COG5: variants seen among roughly 807,000 people sequenced by gnomAD.
COG5 encodes the protein component of oligomeric golgi complex 5, also known as conserved oligomeric Golgi complex subunit 5.
A neutral mutation model predicts 110.4 loss-of-function variants in COG5; 86 were observed. The observed-to-expected ratio is 0.78, with a 90% confidence interval of 0.65 to 0.93. COG5 has a LOEUF of 0.93. COG5 is among the 40% of genes least tolerant of loss of function. The probability of loss-of-function intolerance (pLI) is 0.00; values close to 1 mark genes in which losing one functional copy is unlikely to be tolerated. For missense variants in COG5, 1,077 were observed against 987.0 expected, an observed-to-expected ratio of 1.09 and a Z score of -1.22; for synonymous variants, 360 against 334.6, an observed-to-expected ratio of 1.08 and a Z score of -0.83.
At chr7:107,420,916 G>C (rs1199261522) in intron 6 of COG5, among the ~76,000 whole-genome samples, 1 of 152,134 alleles carries the variant, frequency 6.6e-6, no homozygotes. Flanking sequence ...GTTCTTCAAA[G>C]CTTCATGGAA....
intron 5 of COG5, among the ~76,000 whole-genome samples, chr7:107,538,638 A>G (rs1310517561): frequency 6.6e-6 from 1 of 152,196 alleles, no homozygotes; most frequent in Non-Finnish European, 1.5e-5. Flanking sequence ...CATTGTTGGT[A>G]ATAATGGAAA....
chr7:107,208,547 C>CG (rs1352907294), intron 21 of COG5: 2 of 985,210 alleles, frequency 2.0e-6, no homozygotes, highest in African/African-American at 3.5e-5. Context: ...CTTTGGGACT[C>CG]GGGAAAAATA....
At chr7:107,414,004 C>A (rs1371279536) in intron 6 of COG5, among the ~76,000 whole-genome samples, 1 of 151,950 alleles carries the variant, frequency 6.6e-6, no homozygotes, top group Non-Finnish European at 1.5e-5. Flanking sequence ...GTAGATAATC[C>A]CAGGCCTCAA....
chr7:107,242,304 ACC>A (rs1281241025), intron 17 of COG5, among the ~76,000 whole-genome samples: 2 of 152,154 alleles, frequency 1.3e-5, no homozygotes, highest in African/African-American at 2.4e-5. Flanking sequence ...AGCCAGGGGA[ACC>A]CCCACTGCCC....
At chr7:107,563,656 C>A in intron 1 of COG5, 147 bp downstream of exon 1, 1 of 877,252 alleles carries the variant, frequency 1.1e-6, no homozygotes, top group South Asian at 1.4e-5. Context: ...AGAACAGTAC[C>A]CAAGCCAGGG....
chr7:107,546,868 G>A (rs1802494202), intron 5 of COG5, among the ~76,000 whole-genome samples: 1 of 152,024 alleles, frequency 6.6e-6, no homozygotes, highest in Admixed American at 6.6e-5. Flanking sequence ...TGAGTACAGA[G>A]ATTAAATCAG....
intron 6 of COG5, among the ~76,000 whole-genome samples, chr7:107,415,331 A>C (rs1258424609): frequency 6.6e-6 from 1 of 152,184 alleles, no homozygotes; most frequent in Non-Finnish European, 1.5e-5. Flanking sequence ...CAAATACTAA[A>C]ATAATTAGCT....
chr7:107,211,102 G>A lies in COG5; in HGVS notation c.2292C>T (p.Phe764=), dbSNP rs778274147. 6.2e-7 allele frequency: 1 copy of A among 1,614,032 alleles called. No homozygotes were observed. Among genetic ancestry groups the A allele is most frequent in the South Asian group, 1.1e-5 (1 of 91,080 alleles). ...TRAPAELKSP[F]QRAEWSHTRF... Reference sequence around the variant, plus strand: ...CTGGCTTGACTTTATTTATTACCTGGAAAGGAGATTTCAGTTCAGCGGGTG... The same window carrying A: ...CTGGCTTGACTTTATTTATTACCTGAAAAGGAGATTTCAGTTCAGCGGGTG... Residue 764 remains phenylalanine, a synonymous_variant, in exon 20 of 22, where the codon TTC becomes TTT. Transcript: ENST00000297135.
intron 11 of COG5, among the ~76,000 whole-genome samples, chr7:107,310,088 A>G (rs1223315138): frequency 2.6e-5 from 4 of 152,212 alleles, no homozygotes; most frequent in African/African-American, 9.6e-5. Context: ...ATGTAAAGAT[A>G]TTCCTCATTC....
Position 107,541,523 on chromosome 7 carries a change from A to AAAAAATATATAT in COG5, c.417+6587_417+6588insATATATATTTTT, listed in dbSNP as rs60423657. 1.0e-3 allele frequency among the ~76,000 whole-genome samples: 57 copies of AAAAAATATATAT among 56,994 alleles called. 2 individuals carry two copies. Among genetic ancestry groups the AAAAAATATATAT allele is most frequent in the East Asian group, 2.1e-3 (4 of 1,918 alleles). 37.4% of individuals were successfully genotyped at this position (56,994 alleles called of 152,430 possible). ...AAAAAAAAAAAAAAAAAAAAAAAAA[A>AAAAAATATATAT]ATATATATATATATATATATGTATT... On this transcript the variant is annotated intron_variant, in intron 5 of 21. Transcript: ENST00000297135.
intron 14 of COG5, among the ~76,000 whole-genome samples, chr7:107,274,094 A>G (rs1804496723): frequency 6.6e-6 from 1 of 152,198 alleles, no homozygotes; most frequent in Admixed American, 6.5e-5. Context: ...ACACAAACAC[A>G]CCATTAGGAT....
rs202123650 is a variant in COG5, at chr7:107,563,882, G to C, written c.15C>G (p.Gly5=). 201 of 1,613,736 alleles carry C rather than the reference G, an allele frequency of 1.2e-4. No homozygotes were observed. In the East Asian group the frequency reaches 4.1e-3, roughly 33 times the overall value. The stretch of plus-strand genomic sequence containing the variant: ...CGAGGCCAGCTACAGCGACGCTGCC[G>C]CCGCCACCTTCCATGTTGGCAGGTG... MEGG[G]GSVAVAGLGA... Residue 5 remains glycine (G), a synonymous_variant, in exon 1 of 22, where the codon GGC becomes GGG. Coordinates refer to ENST00000297135, the MANE Select transcript of COG5 (RefSeq NM_006348.5).
chr7:107,525,254 G>A (rs1800647814), intron 6 of COG5, among the ~76,000 whole-genome samples: 1 of 150,918 alleles, frequency 6.6e-6, no homozygotes, highest in Admixed American at 6.6e-5. Flanking sequence ...TTTTTTCGAA[G>A]ACATGACCAT....
At chr7:107,286,354 C>T (rs182587718) in intron 12 of COG5, among the ~76,000 whole-genome samples, 1,724 of 152,306 alleles carry the variant, frequency 0.011, 23 homozygotes, top group Non-Finnish European at 0.017. Flanking sequence ...ATGACCCCTT[C>T]TTGCTTCCAG....
At chr7:107,425,369 A>G (rs1793574555) in intron 6 of COG5, among the ~76,000 whole-genome samples, 2 of 151,730 alleles carry the variant, frequency 1.3e-5, no homozygotes, top group Non-Finnish European at 2.9e-5. Context: ...GATGAGGAAG[A>G]TACACATCTA....
intron 21 of COG5, among the ~76,000 whole-genome samples, chr7:107,205,703 C>T (rs1798720533): frequency 6.6e-6 from 1 of 152,200 alleles, no homozygotes; most frequent in African/African-American, 2.4e-5. Context: ...CTCTTTATCT[C>T]TTAGGACTCG....
intron 19 of COG5, among the ~76,000 whole-genome samples, chr7:107,219,740 G>A (rs1799773410): frequency 6.6e-6 from 1 of 152,160 alleles, no homozygotes; most frequent in Non-Finnish European, 1.5e-5. Context: ...ACAGGAGGAA[G>A]ATGGTTTTTG....
rs1804237498 is a variant in COG5, at chr7:107,563,886, C to A, written c.11G>T (p.Gly4Val). 4 of 1,613,794 alleles carry A rather than the reference C, an allele frequency of 2.5e-6. No individual in the cohort carries two copies. In the East Asian group the frequency reaches 8.9e-5, roughly 36 times the overall value. Residue 4 changes from glycine to valine, a missense_variant, in exon 1 of 22, where the codon GGC becomes GTC. Transcript: ENST00000297135. ...GCCAGCTACAGCGACGCTGCCGCCGCCACCTTCCATGTTGGCAGGTGCCGG... is the reference window on the plus strand; with the variant it reads ...GCCAGCTACAGCGACGCTGCCGCCGACACCTTCCATGTTGGCAGGTGCCGG... MEG[G>V]GGSVAVAGLG...
intron 12 of COG5, among the ~76,000 whole-genome samples, chr7:107,296,592 T>A (rs1806769426): frequency 6.6e-6 from 1 of 150,570 alleles, no homozygotes; most frequent in Admixed American, 6.6e-5. Flanking sequence ...TTTTTTTTTT[T>A]TTTTTTTTTT....
Sources: gnomAD v4.1 joint callset for allele counts (sites outside exome capture counted in the v4.1 genomes callset) on GRCh38, gnomAD v4.1.1 for gene constraint, MANE v1.5 for transcripts, NCBI Gene and HGNC (gene_info 2026-07-23, HGNC 2026-07-21) for gene names.